Variants in EIF3H observed in about 807,000 individuals in gnomAD.
The protein encoded by EIF3H is eIF-3-gamma.
Under a neutral mutation model 44.2 loss-of-function variants are expected in EIF3H, and 26 were observed. That is an observed-to-expected ratio of 0.59 (90% CI 0.43 to 0.82). EIF3H has a LOEUF of 0.82. Among genes scored for constraint, EIF3H ranks in the 40% least tolerant of loss-of-function variants. The pLI is 0.00. For missense variants in EIF3H, 359 were observed against 432.8 expected (o/e 0.83, Z 1.51); for synonymous variants, 166 against 151.9 (o/e 1.09, Z -0.68).
At chr8:116,729,591 A>G (rs550743311) in intron 1 of EIF3H, among the ~76,000 whole-genome samples, 55 of 152,344 alleles carry the variant, frequency 3.6e-4, no homozygotes, top group African/African-American at 1.2e-3. Flanking sequence ...TGTTATCCTC[A>G]GTTCTTTACA....
chr8:116,720,002 T>TA, intron 2 of EIF3H, among the ~76,000 whole-genome samples: 1 of 152,198 alleles, frequency 6.6e-6, no homozygotes. Context: ...GTCCCTGTAT[T>TA]ACCAATTCCT....
intron 5 of EIF3H, 115 bp from the exon 6 acceptor site, chr8:116,649,041 A>G: frequency 2.4e-6 from 2 of 851,010 alleles, no homozygotes; most frequent in Non-Finnish European, 3.4e-6. Flanking sequence ...GAATGAGAGC[A>G]CACATATGCA....
intron 7 of EIF3H, among the ~76,000 whole-genome samples, chr8:116,645,823 G>A (rs528241606): frequency 1.6e-4 from 25 of 152,314 alleles, no homozygotes; most frequent in African/African-American, 5.5e-4. Flanking sequence ...TTGAGAAATT[G>A]CCAATCAGCT....
chr8:116,703,403 C>A (rs1814412384), intron 2 of EIF3H, among the ~76,000 whole-genome samples: 1 of 152,070 alleles, frequency 6.6e-6, no homozygotes, highest in Non-Finnish European at 1.5e-5. Flanking sequence ...TGCTCCACCA[C>A]CTCTTGTGGA....
intron 2 of EIF3H, among the ~76,000 whole-genome samples, chr8:116,689,343 A>G (rs1814133701): frequency 6.6e-6 from 1 of 152,186 alleles, no homozygotes; most frequent in African/African-American, 2.4e-5. Flanking sequence ...CGATGGATGC[A>G]CTTATCTGTG....
At chr8:116,662,022 A>G (rs1378258452) in intron 2 of EIF3H, among the ~76,000 whole-genome samples, 1 of 152,214 alleles carries the variant, frequency 6.6e-6, no homozygotes, top group East Asian at 1.9e-4. Context: ...AGAATATGAC[A>G]TAAAAGATTT....
chr8:116,702,061 T>C (rs1477364370), intron 2 of EIF3H, among the ~76,000 whole-genome samples: 1 of 152,200 alleles, frequency 6.6e-6, no homozygotes, highest in Admixed American at 6.5e-5. Context: ...GATAAGCATA[T>C]GATCTATGAG....
chr8:116,662,541 C>A (rs1158534430), intron 2 of EIF3H, among the ~76,000 whole-genome samples: 1 of 152,300 alleles, frequency 6.6e-6, no homozygotes, highest in African/African-American at 2.4e-5. Flanking sequence ...TCACAAACAG[C>A]CACATGAACT....
chr8:116,698,058 C>G (rs1030580761), intron 2 of EIF3H, among the ~76,000 whole-genome samples: 2 of 152,200 alleles, frequency 1.3e-5, no homozygotes, highest in Non-Finnish European at 2.9e-5. Flanking sequence ...TGCTCAGGAT[C>G]AGACTGGATT....
intron 2 of EIF3H, among the ~76,000 whole-genome samples, chr8:116,672,272 T>C (rs1232469069): frequency 6.6e-6 from 1 of 152,152 alleles, no homozygotes; most frequent in East Asian, 1.9e-4. Flanking sequence ...AAAAAGATAG[T>C]TTCACTAAAA....
intron 2 of EIF3H, among the ~76,000 whole-genome samples, chr8:116,662,243 C>G (rs1388772957): frequency 1.3e-5 from 2 of 152,084 alleles, no homozygotes; most frequent in Non-Finnish European, 2.9e-5. Context: ...ACTTACCACC[C>G]CAATTTTAAA....
chr8:116,704,877 C>A (rs1035002823), intron 2 of EIF3H, among the ~76,000 whole-genome samples: 6 of 152,116 alleles, frequency 3.9e-5, no homozygotes, highest in Non-Finnish European at 7.3e-5. Context: ...AGATTGTATG[C>A]AATGTGTAGC....
chr8:116,699,629 A>G (rs765056570), intron 2 of EIF3H, among the ~76,000 whole-genome samples: 2 of 152,180 alleles, frequency 1.3e-5, no homozygotes, highest in East Asian at 1.9e-4. Flanking sequence ...GATCATCTGT[A>G]TCCCAAACCT....
chr8:116,721,878 T>C lies in EIF3H; in HGVS notation c.289+4138A>G, dbSNP rs909406592. Among the ~76,000 whole-genome samples, 82 of 152,336 alleles carry C rather than the reference T, an allele frequency of 5.4e-4. 1 individual carries two copies. Among genetic ancestry groups the C allele is most frequent in the African/African-American group, 1.9e-3 (80 of 41,572 alleles). On this transcript the variant is annotated intron_variant, in intron 2 of 7. Transcript: ENST00000521861. ...TATCTAGGAAGTAACTAACTTGCTTTTGATTTTACACGATCACAGGTAGAA... is the reference window on the plus strand; with the variant it reads ...TATCTAGGAAGTAACTAACTTGCTTCTGATTTTACACGATCACAGGTAGAA...
chr8:116,742,880 T>C (rs1364448726), intron 1 of EIF3H, among the ~76,000 whole-genome samples: 2 of 152,194 alleles, frequency 1.3e-5, no homozygotes, highest in East Asian at 1.9e-4. Flanking sequence ...TCCAGTGTAA[T>C]GGCTGTGTTT....
intron 5 of EIF3H, among the ~76,000 whole-genome samples, chr8:116,652,468 A>C (rs546031794): frequency 6.6e-6 from 1 of 152,276 alleles, no homozygotes; most frequent in African/African-American, 2.4e-5. Flanking sequence ...TATTCTTTTC[A>C]TAAGTTTTTC....
At chr8:116,726,538 T>C (rs548278499) in intron 1 of EIF3H, among the ~76,000 whole-genome samples, 19 of 152,306 alleles carry the variant, frequency 1.2e-4, no homozygotes, top group African/African-American at 4.3e-4. Flanking sequence ...AATAGACACA[T>C]AAATGACAAA....
chr8:116,761,504 T>C (rs986172932), intron 1 of EIF3H, among the ~76,000 whole-genome samples: 1 of 152,146 alleles, frequency 6.6e-6, no homozygotes, highest in East Asian at 1.9e-4. Flanking sequence ...AGAGTGAGAC[T>C]CTGTCTCAAA....
chr8:116,727,646 T>C (rs878976619), intron 1 of EIF3H, among the ~76,000 whole-genome samples: 7 of 152,356 alleles, frequency 4.6e-5, no homozygotes, highest in Admixed American at 1.3e-4. Context: ...GGGGGTTAGT[T>C]TTTATATCCT....
Sources: allele counts gnomAD v4.1 joint callset (sites outside exome capture counted in the v4.1 genomes callset), GRCh38; gene constraint gnomAD v4.1.1; transcripts MANE v1.5; gene names NCBI Gene and HGNC (gene_info 2026-07-23, HGNC 2026-07-21).